ANKRD18A: variants seen among roughly 807,000 people sequenced by gnomAD.
ANKRD18A encodes the protein ankyrin repeat domain 18A.
ANKRD18A carries 72 observed loss-of-function variants against 110.6 expected under a neutral mutation model. That is an observed-to-expected ratio of 0.65 (90% confidence interval 0.54 to 0.79). The LOEUF (loss-of-function observed/expected upper bound fraction) is 0.79. Among genes scored for constraint, ANKRD18A ranks in the 30% least tolerant of loss-of-function variants. The probability of loss-of-function intolerance (pLI) is 0.00; values close to 1 mark genes in which losing one functional copy is unlikely to be tolerated. For synonymous variants in ANKRD18A, 305 were observed against 410.3 expected (o/e 0.74, Z 3.10); for missense variants, 934 against 1,163.3 (o/e 0.80, Z 2.87).
chr9:38,567,693 G>A (rs560381366), downstream of ANKRD18A: 1 of 152,474 alleles, frequency 6.6e-6, no homozygotes, highest in South Asian at 2.1e-4. Flanking sequence ...CCATGACTGG[G>A]TCCAGTTCCT....
intron 8 of ANKRD18A, among the ~76,000 whole-genome samples, chr9:38,597,650 T>C (rs13294350): frequency 2.6e-5 from 4 of 152,186 alleles, no homozygotes; most frequent in Non-Finnish European, 5.9e-5. Flanking sequence ...ACATCAAATT[T>C]GTCAAATAAA....
At chr9:38,574,835 C>T (rs1464751303) in intron 15 of ANKRD18A, among the ~76,000 whole-genome samples, 1 of 152,026 alleles carries the variant, frequency 6.6e-6, no homozygotes, top group Non-Finnish European at 1.5e-5. Flanking sequence ...GAGGCTCACC[C>T]CTGTAATCCC....
chr9:38,591,696 T>C (rs1023717957), intron 10 of ANKRD18A, among the ~76,000 whole-genome samples: 3 of 152,154 alleles, frequency 2.0e-5, no homozygotes, highest in African/African-American at 7.2e-5. Context: ...CCACTGAAAG[T>C]GGCAGCAAAT....
At position 38,616,012 on chromosome 9, in the gene ANKRD18A, C is replaced by T. The variant is rs1389538191; in HGVS notation, c.239G>A (p.Arg80His). The change falls in exon 2 of 16, where the codon CGT (arginine) becomes CAT (histidine). Residue 80 changes from arginine (R) to histidine (H), a missense_variant. Coordinates refer to ENST00000399703, the MANE Select transcript of ANKRD18A (RefSeq NM_147195.4). ...TVLHLACAHG[R>H]VQVVTLLLHR... is the part of the protein sequence containing the mutation. ...CAGCAAGAGAGTGACCACTTGCACACGGCCATGGGCACAGGCCAAATGTAG... is the reference window on the plus strand; with the variant it reads ...CAGCAAGAGAGTGACCACTTGCACATGGCCATGGGCACAGGCCAAATGTAG... 1.1e-5 allele frequency: 17 copies of T among 1,592,762 alleles called. No homozygotes were observed. Among genetic ancestry groups the T allele is most frequent in the South Asian group, 3.4e-5 (3 of 87,682 alleles).
chr9:38,612,521 C>CTTTTTTTT (rs767816627), intron 3 of ANKRD18A, among the ~76,000 whole-genome samples: 23,559 of 122,834 alleles, frequency 0.19, 2,400 homozygotes, highest in East Asian at 0.39. Context: ...TTTTCTTTTT[C>CTTTTTTTT]TTTTTTTTTT....
rs866091230 is a variant in ANKRD18A, at chr9:38,615,449, G to T, written c.495+145C>A. The T allele has an allele frequency of 1.0e-5, 12 of 1,190,992 alleles. No individual in the cohort carries two copies. The Middle Eastern group carries it at 1.8e-3, about 177-fold the overall frequency. 73.8% of individuals were successfully genotyped at this position (1,190,992 alleles called of 1,614,324 possible). On this transcript the variant is annotated intron_variant, in intron 3 of 15. Transcript: ENST00000399703. ...TGTGCCCTCTAATGCTTCTTTAAAA[G>T]TATCAATATTTAAAGTAAAATTTTA...
chr9:38,579,313 T>C (rs1015435409), intron 12 of ANKRD18A, among the ~76,000 whole-genome samples: 4 of 152,152 alleles, frequency 2.6e-5, no homozygotes, highest in Non-Finnish European at 4.4e-5. Context: ...ATCAGAAGCA[T>C]AGGCAACAAA....
At chr9:38,588,741 G>C in intron 10 of ANKRD18A, 78 bp from the exon 11 acceptor site, 1 of 975,168 alleles carries the variant, frequency 1.0e-6, no homozygotes, top group African/African-American at 1.7e-5. Context: ...TTTCTCATAA[G>C]TTGATGAATA....
intron 15 of ANKRD18A, 108 bp downstream of exon 15, chr9:38,575,368 T>A (rs1309797837): frequency 8.4e-7 from 1 of 1,192,116 alleles, no homozygotes; most frequent in Admixed American, 3.0e-5. Flanking sequence ...CTAATTATAA[T>A]CTTTACTTAA....
At position 38,620,582 on chromosome 9, in the gene ANKRD18A, A is replaced by C. The variant is rs1284630157; in HGVS notation, c.-297T>G. 1.3e-5 allele frequency: 11 copies of C among 831,530 alleles called. No homozygotes were observed. The highest frequency in any genetic ancestry group is 4.4e-5 in the Admixed American group (1 of 22,688). The allele number at this position is 831,530 out of a possible 1,614,324, so 51.5% of individuals were successfully genotyped here. A position where few individuals can be genotyped will look rare whatever the true frequency, so the allele number is the denominator to read the frequency against. On this transcript the variant is annotated 5_prime_UTR_variant, in exon 1 of 16. Transcript: ENST00000399703. ...GCGCGCCTGAACCTCAGCGCTCCGA[A>C]CTCTCAGACCGAGTGAGTCCCCGCG...
chr9:38,620,044 G>A (rs767269575), intron 1 of ANKRD18A, 36 bp downstream of exon 1: 2 of 1,546,748 alleles, frequency 1.3e-6, no homozygotes, highest in South Asian at 2.4e-5. Flanking sequence ...CCGGGCCTGC[G>A]GCCCCCTCCC....
intron 6 of ANKRD18A, among the ~76,000 whole-genome samples, chr9:38,605,091 C>A (rs1377397103): frequency 2.6e-5 from 4 of 152,180 alleles, no homozygotes; most frequent in Admixed American, 2.0e-4. Flanking sequence ...GAACGTGATA[C>A]ATATGTAATA....
intron 1 of ANKRD18A, among the ~76,000 whole-genome samples, chr9:38,618,106 T>C (rs760706428): frequency 4.7e-4 from 71 of 152,084 alleles, no homozygotes; most frequent in Non-Finnish European, 8.8e-4. Flanking sequence ...GTTCAAACCC[T>C]CACAATAATA....
chr9:38,590,556 T>A (rs1345574849), intron 10 of ANKRD18A, among the ~76,000 whole-genome samples: 1 of 152,228 alleles, frequency 6.6e-6, no homozygotes, highest in Non-Finnish European at 1.5e-5. Context: ...CCAGCCCTTT[T>A]TTCTTTTATA....
intron 11 of ANKRD18A, among the ~76,000 whole-genome samples, chr9:38,587,212 A>C (rs1587500447): frequency 6.6e-6 from 1 of 152,330 alleles, no homozygotes; most frequent in East Asian, 1.9e-4. Flanking sequence ...ACTTTGAAGA[A>C]GAGATCTAGA....
rs1345503406 is a variant in ANKRD18A, at chr9:38,601,136, G to T, written c.931C>A (p.Pro311Thr). 4 of 1,555,218 alleles carry T rather than the reference G, an allele frequency of 2.6e-6. No individual in the cohort carries two copies. The African/African-American group carries it at 5.5e-5, about 21-fold the overall frequency. The change falls in exon 8 of 16, where the codon CCA becomes ACA. Residue 311 changes from proline (P) to threonine (T), a missense_variant. This residue lies in a region of ANKRD18A where 630 missense variants were observed against 797.5 expected (regional missense o/e 0.79). Transcript: ENST00000399703. ...AAATTTAAATTGTTACATACCTGTG[G>T]CTGTTTATTTTCACTTCTTTGGAGC... ...ERLQRSENKQPQDSQSYGKKK... is the reference protein window; with the variant it reads ...ERLQRSENKQTQDSQSYGKKK...
At position 38,575,676 on chromosome 9, in the gene ANKRD18A, T is replaced by C. The variant is rs1470736137; in HGVS notation, c.2764A>G (p.Ile922Val). Residue 922 changes from isoleucine to valine, a missense_variant, in exon 15 of 16, where the codon ATC becomes GTC. Coordinates refer to ENST00000399703, the MANE Select transcript of ANKRD18A (RefSeq NM_147195.4). ...TTCTCCGTAAAGAGCTTGGTGCTGA[T>C]CACTGCTATTTTCTTATCCGATCTG... ...LMKSDKKIAV[I>V]STKLFTEKQR... is the part of the protein sequence containing the mutation. 6.4e-7 allele frequency: 1 copy of C among 1,551,658 alleles called. No individual in the cohort carries two copies. The highest frequency in any genetic ancestry group is 1.2e-5 in the South Asian group (1 of 83,940).
chr9:38,571,851 T>C lies in ANKRD18A; in HGVS notation c.*194A>G. 1 of 1,278,918 alleles carries C rather than the reference T, an allele frequency of 7.8e-7. No homozygotes were observed. 79.2% of individuals were successfully genotyped at this position (1,278,918 alleles called of 1,614,324 possible). Reference sequence around the variant, plus strand: ...ATATACACCATATGTGACATGAAAATATTCTACTTTAGTAAAGATTATGAT... The same window carrying C: ...ATATACACCATATGTGACATGAAAACATTCTACTTTAGTAAAGATTATGAT... On this transcript the variant is annotated 3_prime_UTR_variant, in exon 16 of 16. Transcript: ENST00000399703.
At chr9:38,577,302 A>G in intron 13 of ANKRD18A, 38 bp from the exon 14 acceptor site, 1 of 1,499,812 alleles carries the variant, frequency 6.7e-7, no homozygotes, top group Admixed American at 2.6e-5. Context: ...TAAAACAATT[A>G]TAAGTTAATT....
Sources: gnomAD v4.1 joint callset for allele counts (sites outside exome capture counted in the v4.1 genomes callset) on GRCh38, gnomAD v4.1.1 for gene constraint, gnomAD v4.1.1 regional missense constraint, MANE v1.5 for transcripts, NCBI Gene and HGNC (gene_info 2026-07-23, HGNC 2026-07-21) for gene names.